CRYM: variants seen among roughly 807,000 people sequenced by gnomAD.
CRYM encodes the protein ketimine reductase mu-crystallin.
A neutral mutation model predicts 32.9 loss-of-function variants in CRYM; 18 were observed. The observed-to-expected ratio is 0.55, with a 90% CI of 0.38 to 0.81. The LOEUF is 0.81. CRYM is among the 30% of genes least tolerant of loss of function. The pLI is 0.00. For synonymous variants in CRYM, 153 were observed against 152.4 expected (o/e 1.00, Z -0.03); for missense variants, 337 against 393.5 (o/e 0.86, Z 1.21).
chr16:21,268,302 T>C (rs975946200), intron 4 of CRYM, among the ~76,000 whole-genome samples: 2 of 152,284 alleles, frequency 1.3e-5, no homozygotes, highest in East Asian at 3.9e-4. Flanking sequence ...CGGTGAAGAA[T>C]ACTTAGGAAA....
intron 1 of CRYM, chr16:21,300,104 G>A (rs1597634679): frequency 6.6e-6 from 1 of 152,170 alleles, no homozygotes; most frequent in African/African-American, 2.4e-5. Context: ...AGCAGCGTTA[G>A]GTTACTTTCC....
At chr16:21,290,516 T>C (rs999145463) in intron 1 of CRYM, among the ~76,000 whole-genome samples, 1 of 152,198 alleles carries the variant, frequency 6.6e-6, no homozygotes, top group Non-Finnish European at 1.5e-5. Context: ...CGTGGCTTCT[T>C]TCTTGAAGTC....
At chr16:21,275,642 C>T in intron 2 of CRYM, 48 bp from the exon 3 acceptor site, 2 of 1,429,224 alleles carry the variant, frequency 1.4e-6, no homozygotes, top group South Asian at 1.1e-5. Flanking sequence ...CTGTCCACTG[C>T]ATAAATTAGA....
At position 21,293,471 on chromosome 16, in the gene CRYM, A is replaced by C. The variant is rs147026010; in HGVS notation, c.-193+9507T>G. On this transcript the variant is annotated intron_variant, in intron 1 of 9. Transcript: ENST00000219599. ...TCATGAGCTGGGAAATACTGAAAAAAATCTCTGAGAACTAGACCTAGTCAA... is the reference window on the plus strand; with the variant it reads ...TCATGAGCTGGGAAATACTGAAAAACATCTCTGAGAACTAGACCTAGTCAA... Among the ~76,000 whole-genome samples the C allele has an allele frequency of 1.2e-3, 186 of 152,324 alleles. 1 individual carries two copies. The highest frequency in any genetic ancestry group is 4.3e-3 in the African/African-American group (180 of 41,562).
At chr16:21,290,602 C>G (rs894894262) in intron 1 of CRYM, among the ~76,000 whole-genome samples, 2 of 152,194 alleles carry the variant, frequency 1.3e-5, no homozygotes, top group African/African-American at 4.8e-5. Context: ...TTTGCTCAGA[C>G]TTATAATTTC....
intron 5 of CRYM, among the ~76,000 whole-genome samples, chr16:21,265,164 G>T (rs186431044): frequency 8.5e-5 from 13 of 152,152 alleles, no homozygotes; most frequent in Admixed American, 8.5e-4. Context: ...TGGTCTTATT[G>T]TCCATAAACT....
At chr16:21,295,999 A>G (rs1158395950) in intron 1 of CRYM, among the ~76,000 whole-genome samples, 1 of 152,232 alleles carries the variant, frequency 6.6e-6, no homozygotes. Context: ...TTCCAAAACC[A>G]TAAGAAAATT....
At chr16:21,279,893 CTG>C (rs1002574412), upstream of CRYM, among the ~76,000 whole-genome samples, 3 of 152,062 alleles carry the variant, frequency 2.0e-5, no homozygotes, top group African/African-American at 7.2e-5. Flanking sequence ...TAAGTGAACA[CTG>C]AGAGAGAAAG....
In CRYM at chr16:21,286,822, G is replaced by A. The variant is rs867574670; in HGVS notation, c.-192-7862C>T. Among the ~76,000 whole-genome samples the A allele has an allele frequency of 1.1e-3, 168 of 152,242 alleles. 1 individual carries two copies. The highest frequency in any genetic ancestry group is 6.8e-3 in the Middle Eastern group (2 of 294). On this transcript the variant is annotated intron_variant, in intron 1 of 9. Coordinates refer to the CRYM transcript ENST00000219599. ...TACTTAATTTTAGGCCGGGCGCAGT[G>A]GCTCACTCCTGTAATCCCAGCACTT...
chr16:21,283,127 C>T (rs960125264), upstream of CRYM, among the ~76,000 whole-genome samples: 1 of 152,108 alleles, frequency 6.6e-6, no homozygotes, highest in African/African-American at 2.4e-5. Flanking sequence ...CCCTGCTAAC[C>T]CCTAACAGAC....
intron 1 of CRYM, chr16:21,284,241 A>C (rs2093403690): frequency 6.6e-6 from 1 of 151,972 alleles, no homozygotes; most frequent in African/African-American, 2.4e-5. Context: ...GACGTGACCT[A>C]CGCGTCTCAT....
At chr16:21,264,861 C>A (rs9935333) in intron 5 of CRYM, among the ~76,000 whole-genome samples, 23,803 of 152,042 alleles carry the variant, frequency 0.16, 1,905 homozygotes, top group East Asian at 0.21. Flanking sequence ...GGGCTCCCCC[C>A]ATCCTCCAGT....
chr16:21,267,740 TC>T lies in CRYM; in HGVS notation c.490-4del, dbSNP rs759531050. 1 of 1,614,204 alleles carries T rather than the reference TC, an allele frequency of 6.2e-7. No homozygotes were observed. Among genetic ancestry groups the T allele is most frequent in the Middle Eastern group, 1.6e-4 (1 of 6,062 alleles). Reference sequence around the variant, plus strand: ...TTGGTGCGGTTCCATATCCTCACCTTCATTGGGAGTAACAAGAAGGATATTG... The same window carrying T: ...TTGGTGCGGTTCCATATCCTCACCTTATTGGGAGTAACAAGAAGGATATTG... On this transcript the variant is annotated splice_polypyrimidine_tract_variant and splice_region_variant and intron_variant, in intron 4 of 7. Transcript: ENST00000572914.
At chr16:21,291,336 A>C (rs1960650141) in intron 1 of CRYM, among the ~76,000 whole-genome samples, 1 of 152,208 alleles carries the variant, frequency 6.6e-6, no homozygotes, top group Non-Finnish European at 1.5e-5. Context: ...TACAGTACAG[A>C]AAGTGAGTAT....
rs773464316 is a variant in CRYM, at chr16:21,258,693, G to A, written c.*88C>T. 4.2e-5 allele frequency: 46 copies of A among 1,091,550 alleles called. No homozygotes were observed. Among genetic ancestry groups the A allele is most frequent in the Non-Finnish European group, 6.1e-5 (43 of 707,314 alleles). 67.6% of individuals were successfully genotyped at this position (1,091,550 alleles called of 1,614,324 possible). A position where few individuals can be genotyped will look rare whatever the true frequency, so the allele number is the denominator to read the frequency against. The stretch of plus-strand genomic sequence containing the variant: ...TAAGCACAAAAGGAGAGTTCACTGG[G>A]GACTGGACTCCCTCATTTACTCTAG... On this transcript the variant is annotated 3_prime_UTR_variant, in exon 8 of 8. Transcript: ENST00000572914.
At chr16:21,269,100 T>C (rs1156942370) in intron 4 of CRYM, among the ~76,000 whole-genome samples, 1 of 140,502 alleles carries the variant, frequency 7.1e-6, no homozygotes, top group East Asian at 2.0e-4. Context: ...GCCGAGATTA[T>C]GCCACTGCAC....
upstream of CRYM, chr16:21,278,425 A>C: frequency 1.2e-5 from 9 of 737,626 alleles, no homozygotes; most frequent in South Asian, 1.5e-4. Context: ...CCCTTCGCCC[A>C]CCTCGACCCC....
chr16:21,276,610 G>T (rs566061833), intron 2 of CRYM, among the ~76,000 whole-genome samples: 1 of 152,264 alleles, frequency 6.6e-6, no homozygotes, highest in African/African-American at 2.4e-5. Context: ...GAAATTGGGG[G>T]GAAGGGGAGT....
At chr16:21,276,654 T>C (rs1264048559) in intron 2 of CRYM, among the ~76,000 whole-genome samples, 1 of 152,214 alleles carries the variant, frequency 6.6e-6, no homozygotes, top group Non-Finnish European at 1.5e-5. Context: ...TTTTGCAGAA[T>C]TGAATGTGAT....
Sources: allele counts gnomAD v4.1 joint callset (sites outside exome capture counted in the v4.1 genomes callset), GRCh38; gene constraint gnomAD v4.1.1; transcripts MANE v1.5; gene names NCBI Gene and HGNC (gene_info 2026-07-23, HGNC 2026-07-21).